The following ADAMTS2 variants were observed in gnomAD, a reference collection of about 807,000 sequenced individuals.
The protein encoded by ADAMTS2 is A disintegrin and metalloproteinase with thrombospondin motifs 2.
A neutral mutation model predicts 123.0 loss-of-function variants in ADAMTS2; 50 were observed. The ratio of observed to expected loss-of-function variants is 0.41; its 90% confidence interval spans 0.32 to 0.51. ADAMTS2 has a LOEUF of 0.51. Ranked by LOEUF, ADAMTS2 falls within the 20% of genes least tolerant of loss-of-function variation. The pLI is 0.35. For missense variants in ADAMTS2, 1,494 were observed against 1,705.2 expected (o/e 0.88, Z 2.18); for synonymous variants, 678 against 695.4 (o/e 0.98, Z 0.39).
rs190712805 is a variant in ADAMTS2 at position 179,159,363 on chromosome 5, C to T, written c.976-484G>A. Among the ~76,000 whole-genome samples the T allele has an allele frequency of 3.1e-3, 468 of 152,294 alleles. 4 individuals carry two copies. The highest frequency in any genetic ancestry group is 0.024 in the Middle Eastern group (7 of 292). ...GCCAGAGGAAGCAGATCACCTTATA[C>T]GTTCCCCCCGTGTGAAGGTACTTGC... On this transcript the variant is annotated intron_variant, in intron 5 of 21. Transcript: ENST00000251582.
intron 2 of ADAMTS2, among the ~76,000 whole-genome samples, chr5:179,280,334 A>G (rs1766855921): frequency 1.3e-5 from 2 of 152,140 alleles, no homozygotes; most frequent in Admixed American, 6.5e-5. Flanking sequence ...TAAGCACTGG[A>G]CGCTGAGCCA....
At chr5:179,139,739 G>T in intron 11 of ADAMTS2, 151 bp downstream of exon 11, 1 of 1,211,420 alleles carries the variant, frequency 8.3e-7, no homozygotes, top group South Asian at 1.4e-5. Context: ...CCCCCTCCCA[G>T]GTAGGGTGAG....
chr5:179,201,856 T>G (rs1466398508), intron 4 of ADAMTS2, among the ~76,000 whole-genome samples: 1 of 151,966 alleles, frequency 6.6e-6, no homozygotes, highest in East Asian at 1.9e-4. Flanking sequence ...ACTATTTCAA[T>G]AAACCAAAAA....
rs1581171879 is a variant in ADAMTS2, at chr5:179,181,063, T to C, written c.975+9A>G. ...TGGAGGCAGGCCCGGCTGGCCACAG[T>C]GCACTCACCTTTCCATAGCTCAGGA... On this transcript the variant is annotated intron_variant, in intron 5 of 21. Transcript: ENST00000251582. This position sits in a 1 kb window ranked among gnomAD's most constrained non-coding sequence, Gnocchi z 4.1. 6.2e-7 allele frequency: 1 copy of C among 1,612,418 alleles called. No homozygotes were observed. The highest frequency in any genetic ancestry group is 1.7e-5 in the Admixed American group (1 of 60,004).
chr5:179,180,969 G>T lies in ADAMTS2; in HGVS notation c.975+103C>A. The T allele has an allele frequency of 3.4e-6, 3 of 876,930 alleles. No individual in the cohort carries two copies. The highest frequency in any genetic ancestry group is 2.7e-5 in the South Asian group (2 of 74,032). The allele number at this position is 876,930 out of a possible 1,614,324, so 54.3% of individuals were successfully genotyped here. A position where few individuals can be genotyped will look rare whatever the true frequency, so the allele number is the denominator to read the frequency against. On this transcript the variant is annotated intron_variant, in intron 5 of 21. Coordinates refer to ENST00000251582, the MANE Select transcript of ADAMTS2 (RefSeq NM_014244.5). This position sits in a 1 kb window ranked among gnomAD's most constrained non-coding sequence, Gnocchi z 4.6. ...AGGGGAGCCAGGGAGAGGCAGGGTG[G>T]TTCTGGCAAACGCACACACTCTCCA...
intron 2 of ADAMTS2, among the ~76,000 whole-genome samples, chr5:179,320,875 C>T (rs1757148836): frequency 6.6e-6 from 1 of 152,140 alleles, no homozygotes; most frequent in Non-Finnish European, 1.5e-5. Context: ...GGAGGTAATG[C>T]AGCAGCTGCC....
rs1756574607 is a variant in ADAMTS2 at position 179,303,011 on chromosome 5, GGAGGTCAGAGTGGT to G, written c.535-29961_535-29948del. Among the ~76,000 whole-genome samples, 1 of 148,132 alleles carries G rather than the reference GGAGGTCAGAGTGGT, an allele frequency of 6.8e-6. No homozygotes were observed. The highest frequency in any genetic ancestry group is 2.1e-4 in the South Asian group (1 of 4,692). ...GAGTGGTGGGCCTGGGTGGGGTACA[GGAGGTCAGAGTGGT>G]GGGCGGGGGCAGACTGCACAGAGCT... On this transcript the variant is annotated intron_variant, in intron 2 of 21. Coordinates refer to ENST00000251582, the MANE Select transcript of ADAMTS2 (RefSeq NM_014244.5). The surrounding 1 kb of genome is among the most constrained non-coding windows in gnomAD (Gnocchi z 4.7).
chr5:179,180,792 C>T lies in ADAMTS2; in HGVS notation c.975+280G>A, dbSNP rs1764027236. Reference sequence around the variant, plus strand: ...AATTCCCTCTGCCTCCTGACCACCCCTGGTGCCTCCCTGTGTGGCCCCCGT... The same window carrying T: ...AATTCCCTCTGCCTCCTGACCACCCTTGGTGCCTCCCTGTGTGGCCCCCGT... On this transcript the variant is annotated intron_variant, in intron 5 of 21. Transcript: ENST00000251582. This position sits in a 1 kb window ranked among gnomAD's most constrained non-coding sequence, Gnocchi z 4.6. Among the ~76,000 whole-genome samples the T allele has an allele frequency of 6.6e-6, 1 of 152,214 alleles. No homozygotes were observed. The highest frequency in any genetic ancestry group is 1.5e-5 in the Non-Finnish European group (1 of 68,040).
chr5:179,266,183 C>T (rs1411646304), intron 3 of ADAMTS2, among the ~76,000 whole-genome samples: 2 of 152,180 alleles, frequency 1.3e-5, no homozygotes, highest in Non-Finnish European at 2.9e-5. Context: ...TCCCTTAGGA[C>T]CCAAGGTTCA....
chr5:179,125,517 A>G (rs6860046), intron 18 of ADAMTS2, among the ~76,000 whole-genome samples: 83,202 of 152,028 alleles, frequency 0.55, 24,411 homozygotes, highest in African/African-American at 0.78. Flanking sequence ...ACCTGGCCTC[A>G]CCTTCTGCTG....
rs376707472 is a variant in ADAMTS2 at position 179,137,808 on chromosome 5, C to T, written c.1912G>A (p.Asp638Asn). 22 of 1,579,380 alleles carry T rather than the reference C, an allele frequency of 1.4e-5. No homozygotes were observed. The Admixed American group carries it at 1.6e-4, about 11-fold the overall frequency. Residue 638 changes from aspartate to asparagine, a missense_variant, in exon 12 of 22, where the codon GAC (aspartate) becomes AAC (asparagine). By Grantham distance (23) the Asp-to-Asn change is conservative. Around this residue, in one of 6 missense-constraint regions of ADAMTS2, gnomAD observed 953 missense variants for 1,124.7 expected, o/e 0.85. Transcript: ENST00000251582. ...RQWDLYFEHG[D>N]AQHHWLPHEH... ...TGGGGCAGCCAGTGGTGCTGGGCGT[C>T]GCCGTGCTCGAAGTACAGGTCCCAC...
Position 179,115,733 on chromosome 5 carries a change from T to C in ADAMTS2, c.3179-1409A>G, listed in dbSNP as rs2113165014. ...AAGGGAGGGAGAAAGGCTCAGGCAT[T>C]GGATGGGAGCCACATCTGACAGTTA... On this transcript the variant is annotated intron_variant, in intron 21 of 21. Coordinates refer to ENST00000251582, the MANE Select transcript of ADAMTS2 (RefSeq NM_014244.5). This position sits in a 1 kb window ranked among gnomAD's most constrained non-coding sequence, Gnocchi z 4.4. Among the ~76,000 whole-genome samples the C allele has an allele frequency of 2.6e-5, 4 of 151,568 alleles. No individual in the cohort carries two copies. In the South Asian group the frequency reaches 8.3e-4, roughly 31 times the overall value.
At position 179,293,225 on chromosome 5, in the gene ADAMTS2, C is replaced by T. The variant is rs532369043; in HGVS notation, c.535-20161G>A. ...GTTGCTTTGTCCTGACAGACTCACA[C>T]GTCCTTAAAAAGTGCTAATCTTCAC... On this transcript the variant is annotated intron_variant, in intron 2 of 21. Coordinates refer to ENST00000251582, the MANE Select transcript of ADAMTS2 (RefSeq NM_014244.5). 1.2e-4 allele frequency among the ~76,000 whole-genome samples: 18 copies of T among 152,348 alleles called. No individual in the cohort carries two copies. The South Asian group carries it at 3.5e-3, about 30-fold the overall frequency.
intron 5 of ADAMTS2, among the ~76,000 whole-genome samples, chr5:179,160,179 C>T (rs1412560436): frequency 6.6e-6 from 1 of 152,194 alleles, no homozygotes; most frequent in Non-Finnish European, 1.5e-5. Context: ...AAAAAGTTGG[C>T]CGTGCGCGGT....
chr5:179,302,826 C>G (rs983818061), intron 2 of ADAMTS2, among the ~76,000 whole-genome samples: 44 of 151,324 alleles, frequency 2.9e-4, no homozygotes, highest in Non-Finnish European at 5.6e-4. Context: ...GGCTCCAGCA[C>G]AGAGAACAGC....
At chr5:179,282,782 AC>A (rs1766953130) in intron 2 of ADAMTS2, among the ~76,000 whole-genome samples, 1 of 152,104 alleles carries the variant, frequency 6.6e-6, no homozygotes, top group African/African-American at 2.4e-5. Context: ...TGCATTAGAA[AC>A]CAAGGGCTTG....
Position 179,181,813 on chromosome 5 carries a change from G to A in ADAMTS2, c.892-658C>T, listed in dbSNP as rs191520567. Among the ~76,000 whole-genome samples the A allele has an allele frequency of 6.6e-6, 1 of 152,216 alleles. No individual in the cohort carries two copies. Among genetic ancestry groups the A allele is most frequent in the East Asian group, 1.9e-4 (1 of 5,162 alleles). ...ACATTTAAAACCATTATTCTGAGCA[G>A]GTGCCAATGGGCTTCAGCAGATATC... On this transcript the variant is annotated intron_variant, in intron 4 of 21. Coordinates refer to ENST00000251582, the MANE Select transcript of ADAMTS2 (RefSeq NM_014244.5). This position sits in a 1 kb window ranked among gnomAD's most constrained non-coding sequence, Gnocchi z 4.1.
At chr5:179,182,001 AG>A (rs1764061798) in intron 4 of ADAMTS2, among the ~76,000 whole-genome samples, 1 of 151,924 alleles carries the variant, frequency 6.6e-6, no homozygotes, top group Non-Finnish European at 1.5e-5. Context: ...GCACACACCC[AG>A]GGCCCTCCCT....
intron 12 of ADAMTS2, among the ~76,000 whole-genome samples, chr5:179,137,457 A>C (rs897395841): frequency 1.3e-5 from 2 of 152,194 alleles, no homozygotes; most frequent in African/African-American, 4.8e-5. Context: ...AGCTGACCAC[A>C]CAGCTCAAGC....
Sources: gnomAD v4.1 joint callset for allele counts (sites outside exome capture counted in the v4.1 genomes callset) on GRCh38, gnomAD v4.1.1 for gene constraint, gnomAD v4.1.1 regional missense constraint, Gnocchi (gnomAD v3.1) non-coding constraint, MANE v1.5 for transcripts, NCBI Gene and HGNC (gene_info 2026-07-23, HGNC 2026-07-21) for gene names.